EHBP1: variants seen among roughly 807,000 people sequenced by gnomAD.
The protein encoded by EHBP1 is EH domain-binding protein 1.
In EHBP1, 55 loss-of-function variants were observed where a neutral mutation model predicts 144.0. The observed-to-expected ratio is 0.38, with a 90% CI of 0.31 to 0.48. The LOEUF (loss-of-function observed/expected upper bound fraction) is 0.48, where lower values mean the gene tolerates loss of function less well. Ranked by LOEUF, EHBP1 falls within the 20% of genes least tolerant of loss-of-function variation. The probability of loss-of-function intolerance (pLI) is 0.98; values close to 1 mark genes in which losing one functional copy is unlikely to be tolerated. For missense variants in EHBP1, 1,200 were observed against 1,364.2 expected, an observed-to-expected ratio of 0.88 and a Z score of 1.90; for synonymous variants, 469 against 472.7, an observed-to-expected ratio of 0.99 and a Z score of 0.10.
chr2:62,821,449 G>A (rs1389754294), intron 5 of EHBP1, among the ~76,000 whole-genome samples: 1 of 152,124 alleles, frequency 6.6e-6, no homozygotes, highest in African/African-American at 2.4e-5. Context: ...AGCACTTTGG[G>A]AGGTTGAGGT....
intron 4 of EHBP1, among the ~76,000 whole-genome samples, chr2:62,766,388 G>A (rs1298448032): frequency 6.6e-6 from 1 of 152,150 alleles, no homozygotes; most frequent in Non-Finnish European, 1.5e-5. Flanking sequence ...GTAGACCAAA[G>A]TGGAATCAAT....
chr2:62,874,651 A>G, intron 10 of EHBP1, 119 bp downstream of exon 10: 1 of 849,058 alleles, frequency 1.2e-6, no homozygotes, highest in Non-Finnish European at 1.8e-6. Context: ...AATAATATCC[A>G]AGACAATCTA....
chr2:62,777,534 G>A (rs1158090985), intron 5 of EHBP1, among the ~76,000 whole-genome samples: 1 of 151,598 alleles, frequency 6.6e-6, no homozygotes, highest in Non-Finnish European at 1.5e-5. Context: ...TGTGAAATTG[G>A]GATCATCTTA....
intron 14 of EHBP1, among the ~76,000 whole-genome samples, chr2:62,957,143 A>G (rs963997105): frequency 6.6e-6 from 1 of 152,260 alleles, no homozygotes; most frequent in Non-Finnish European, 1.5e-5. Flanking sequence ...AAAAGTTAAC[A>G]TACCATGGTC....
At chr2:62,690,433 G>A (rs970640705) in intron 1 of EHBP1, among the ~76,000 whole-genome samples, 1 of 151,982 alleles carries the variant, frequency 6.6e-6, no homozygotes, top group Non-Finnish European at 1.5e-5. Context: ...GTGGTGGTGG[G>A]CACCTGGAAT....
At chr2:62,963,074 A>G (rs2058075646) in intron 14 of EHBP1, among the ~76,000 whole-genome samples, 1 of 152,204 alleles carries the variant, frequency 6.6e-6, no homozygotes, top group Non-Finnish European at 1.5e-5. Context: ...CTCTAGAGAA[A>G]ACAGTATACG....
chr2:62,856,894 C>T (rs141589735), intron 7 of EHBP1, among the ~76,000 whole-genome samples: 31 of 152,222 alleles, frequency 2.0e-4, no homozygotes, highest in African/African-American at 7.5e-4. Context: ...ATCCGTGTGA[C>T]TCAATATAAT....
At chr2:62,967,924 A>C (rs569776763) in intron 14 of EHBP1, among the ~76,000 whole-genome samples, 1 of 152,178 alleles carries the variant, frequency 6.6e-6, no homozygotes, top group African/African-American at 2.4e-5. Flanking sequence ...AAAAGCCCTT[A>C]AGTGAAGCAC....
At chr2:62,753,759 A>G (rs2039988009) in intron 3 of EHBP1, among the ~76,000 whole-genome samples, 2 of 152,082 alleles carry the variant, frequency 1.3e-5, no homozygotes, top group Non-Finnish European at 2.9e-5. Flanking sequence ...GCAATCACTG[A>G]TACCCTTTCT....
intron 13 of EHBP1, among the ~76,000 whole-genome samples, chr2:62,949,715 C>A (rs2057277882): frequency 1.3e-5 from 2 of 152,074 alleles, no homozygotes; most frequent in Non-Finnish European, 2.9e-5. Context: ...TTTATTTAGT[C>A]CCATCATTAC....
intron 6 of EHBP1, among the ~76,000 whole-genome samples, chr2:62,828,265 G>T (rs1278876219): frequency 6.6e-6 from 1 of 152,066 alleles, no homozygotes; most frequent in Non-Finnish European, 1.5e-5. Flanking sequence ...TGAATTTGGG[G>T]GAAGTATAGC....
chr2:62,820,766 A>ATATC (rs1223605055), intron 5 of EHBP1, among the ~76,000 whole-genome samples: 1 of 123,098 alleles, frequency 8.1e-6, no homozygotes, highest in African/African-American at 2.9e-5. Flanking sequence ...ATATATATAT[A>ATATC]TATATATATA....
At chr2:62,981,890 CAA>C (rs892620124) in intron 15 of EHBP1, among the ~76,000 whole-genome samples, 4 of 152,124 alleles carry the variant, frequency 2.6e-5, no homozygotes, top group Admixed American at 1.3e-4. Context: ...TGAAGGAGAC[CAA>C]AGTGACCAGG....
At chr2:62,848,842 G>A (rs2048482718) in intron 7 of EHBP1, among the ~76,000 whole-genome samples, 2 of 152,194 alleles carry the variant, frequency 1.3e-5, no homozygotes, top group Admixed American at 6.5e-5. Context: ...TCACATGGGT[G>A]TATATGTTTG....
chr2:62,950,750 A>T (rs1264872064), intron 13 of EHBP1, among the ~76,000 whole-genome samples: 1 of 151,936 alleles, frequency 6.6e-6, no homozygotes, highest in Non-Finnish European at 1.5e-5. Flanking sequence ...CAATGGTGCC[A>T]TCTTGGCTTA....
chr2:62,915,386 A>G (rs1224932727), intron 10 of EHBP1, among the ~76,000 whole-genome samples: 1 of 152,182 alleles, frequency 6.6e-6, no homozygotes, highest in Non-Finnish European at 1.5e-5. Context: ...ACATTCAATA[A>G]TAGGGCTATA....
intron 5 of EHBP1, among the ~76,000 whole-genome samples, chr2:62,805,786 G>A (rs1451363282): frequency 6.6e-6 from 1 of 152,036 alleles, no homozygotes; most frequent in African/African-American, 2.4e-5. Flanking sequence ...CAAAATGCTG[G>A]GATTACAGGT....
intron 10 of EHBP1, chr2:62,940,039 C>A: frequency 2.5e-6 from 1 of 398,494 alleles, no homozygotes; most frequent in South Asian, 2.0e-5. Flanking sequence ...GAAGTGTGTG[C>A]TGACTTGATC....
At chr2:62,688,588 T>A (rs1401663048) in intron 1 of EHBP1, among the ~76,000 whole-genome samples, 1 of 152,180 alleles carries the variant, frequency 6.6e-6, no homozygotes, top group African/African-American at 2.4e-5. Flanking sequence ...TTAGTTGTAA[T>A]GTTGTATCCT....
Sources: allele counts gnomAD v4.1 joint callset (sites outside exome capture counted in the v4.1 genomes callset), GRCh38; gene constraint gnomAD v4.1.1; transcripts MANE v1.5; gene names NCBI Gene and HGNC (gene_info 2026-07-23, HGNC 2026-07-21).